C10orf90: variants seen among roughly 807,000 people sequenced by gnomAD.
C10orf90 encodes the protein chromosome 10 open reading frame 90.
In C10orf90, 56 loss-of-function variants were observed where a neutral mutation model predicts 62.5. That is an observed-to-expected ratio of 0.90 (90% CI 0.72 to 1.12). The LOEUF is 1.12. C10orf90 is among the 50% of genes most tolerant of loss of function. The pLI is 0.00. For synonymous variants in C10orf90, 386 were observed against 340.4 expected, an observed-to-expected ratio of 1.13 and a Z score of -1.47; for missense variants, 970 against 880.4, an observed-to-expected ratio of 1.10 and a Z score of -1.29.
intron 2 of C10orf90, among the ~76,000 whole-genome samples, chr10:126,600,529 G>T (rs1331543301): frequency 6.6e-6 from 1 of 152,178 alleles, no homozygotes; most frequent in South Asian, 2.1e-4. Flanking sequence ...CCAACTGCCT[G>T]CAGAGAGTCA....
intron 2 of C10orf90, among the ~76,000 whole-genome samples, chr10:126,533,591 C>G (rs1864160347): frequency 6.6e-6 from 1 of 152,160 alleles, no homozygotes; most frequent in Non-Finnish European, 1.5e-5. Context: ...GGACTCTAAC[C>G]CTCTTGGGGA....
At chr10:126,640,913 C>T (rs1024418488) in intron 2 of C10orf90, among the ~76,000 whole-genome samples, 1 of 152,166 alleles carries the variant, frequency 6.6e-6, no homozygotes, top group Non-Finnish European at 1.5e-5. Context: ...TGGAGATACT[C>T]TTATAAATTG....
chr10:126,497,954 C>G (rs2133862219), intron 4 of C10orf90, among the ~76,000 whole-genome samples: 1 of 152,336 alleles, frequency 6.6e-6, no homozygotes, highest in African/African-American at 2.4e-5. Flanking sequence ...GATTCTAACA[C>G]TCTCTGGGTT....
chr10:126,510,524 T>C (rs1320517776), intron 3 of C10orf90, among the ~76,000 whole-genome samples: 1 of 152,240 alleles, frequency 6.6e-6, no homozygotes, highest in African/African-American at 2.4e-5. Flanking sequence ...AGATTTGATT[T>C]AAAAGGAGGA....
At chr10:126,641,558 A>T (rs1433110388) in intron 2 of C10orf90, among the ~76,000 whole-genome samples, 1 of 151,904 alleles carries the variant, frequency 6.6e-6, no homozygotes, top group African/African-American at 2.4e-5. Context: ...CTCTATTTAC[A>T]TTTCCCCTAA....
intron 2 of C10orf90, among the ~76,000 whole-genome samples, chr10:126,621,053 T>C (rs1845634530): frequency 6.6e-6 from 1 of 152,234 alleles, no homozygotes; most frequent in Non-Finnish European, 1.5e-5. Context: ...TACCAAAATT[T>C]ATATAACCTT....
intron 7 of C10orf90, among the ~76,000 whole-genome samples, chr10:126,458,098 A>G (rs1333220950): frequency 6.6e-6 from 1 of 152,130 alleles, no homozygotes; most frequent in East Asian, 1.9e-4. Context: ...TAGCCTGCCC[A>G]TAGACTGGGG....
intron 2 of C10orf90, among the ~76,000 whole-genome samples, chr10:126,638,227 T>A (rs1845991097): frequency 6.6e-6 from 1 of 152,060 alleles, no homozygotes; most frequent in African/African-American, 2.4e-5. Context: ...TGGATCTGAT[T>A]CCTCTGCCCG....
intron 2 of C10orf90, among the ~76,000 whole-genome samples, chr10:126,515,656 C>G (rs11816961): frequency 0.073 from 11,132 of 152,174 alleles, 1,305 homozygotes; most frequent in African/African-American, 0.25. Flanking sequence ...AGAACATATC[C>G]CCATCCTGAA....
intron 2 of C10orf90, among the ~76,000 whole-genome samples, chr10:126,562,227 G>C (rs7097611): frequency 0.21 from 31,617 of 152,080 alleles, 3,584 homozygotes; most frequent in African/African-American, 0.28. Context: ...GCACGTGCTA[G>C]CATCTGCCAA....
intron 2 of C10orf90, among the ~76,000 whole-genome samples, chr10:126,565,005 A>ATATATAAAATATATAT (rs1844296583): frequency 9.2e-5 from 1 of 10,882 alleles, no homozygotes; most frequent in African/African-American, 2.2e-4. Flanking sequence ...ATTATATATA[A>ATATATAAAATATATAT]TATATATAAT....
At chr10:126,466,355 CACACACACACACACAA>C (rs1248435600) in intron 4 of C10orf90, among the ~76,000 whole-genome samples, 1 of 128,078 alleles carries the variant, frequency 7.8e-6, no homozygotes, top group African/African-American at 3.4e-5. Flanking sequence ...CTACTAAAAA[CACACACACACACACAA>C]ACACACACAC....
chr10:126,495,114 A>G (rs978259281), intron 4 of C10orf90, among the ~76,000 whole-genome samples: 16 of 152,132 alleles, frequency 1.1e-4, no homozygotes, highest in Admixed American at 1.3e-4. Context: ...TGACACTCAC[A>G]GTTACTCATG....
At chr10:126,591,652 T>C (rs1264612532) in intron 2 of C10orf90, among the ~76,000 whole-genome samples, 1 of 152,048 alleles carries the variant, frequency 6.6e-6, no homozygotes, top group Non-Finnish European at 1.5e-5. Flanking sequence ...AAGGATGCCC[T>C]CTCTCACCAC....
intron 7 of C10orf90, among the ~76,000 whole-genome samples, chr10:126,432,606 G>A (rs561655753): frequency 6.6e-6 from 1 of 152,212 alleles, no homozygotes; most frequent in Non-Finnish European, 1.5e-5. Context: ...AATGACCAAA[G>A]AGCCAACTGT....
At chr10:126,620,483 T>C (rs545108863) in intron 2 of C10orf90, among the ~76,000 whole-genome samples, 1 of 152,328 alleles carries the variant, frequency 6.6e-6, no homozygotes, top group Admixed American at 6.5e-5. Context: ...ACGTTATCAA[T>C]TGTCACTCAT....
At chr10:126,474,576 T>C (rs1010028357) in intron 4 of C10orf90, among the ~76,000 whole-genome samples, 11 of 151,988 alleles carry the variant, frequency 7.2e-5, no homozygotes, top group Non-Finnish European at 1.3e-4. Flanking sequence ...AATAAACAGA[T>C]GTAAATGCAT....
At chr10:126,623,707 G>C (rs983654471) in intron 2 of C10orf90, among the ~76,000 whole-genome samples, 3 of 151,942 alleles carry the variant, frequency 2.0e-5, no homozygotes, top group Non-Finnish European at 2.9e-5. Flanking sequence ...TCAGGGTGGT[G>C]GTGGGCGCCT....
At chr10:126,547,145 C>T (rs529630052) in intron 2 of C10orf90, among the ~76,000 whole-genome samples, 2 of 151,038 alleles carry the variant, frequency 1.3e-5, no homozygotes, top group East Asian at 4.0e-4. Flanking sequence ...AAAGGCCGGG[C>T]GTTGTGGCTC....
Sources: gnomAD v4.1 joint callset for allele counts (sites outside exome capture counted in the v4.1 genomes callset) on GRCh38, gnomAD v4.1.1 for gene constraint, MANE v1.5 for transcripts, NCBI Gene and HGNC (gene_info 2026-07-23, HGNC 2026-07-21) for gene names.